ST3GAL6: variants seen among roughly 807,000 people sequenced by gnomAD.
ST3GAL6 encodes ST3 beta-galactoside alpha-2,3-sialyltransferase 6.
Under a neutral mutation model 40.5 loss-of-function variants are expected in ST3GAL6, and 31 were observed. That is an observed-to-expected ratio of 0.77 (90% CI 0.58 to 1.03). The LOEUF is 1.03. Among genes scored for constraint, ST3GAL6 ranks in the 50% least tolerant of loss-of-function variants. ST3GAL6 has a pLI of 0.00. For missense variants in ST3GAL6, 357 were observed against 393.2 expected, an observed-to-expected ratio of 0.91 and a Z score of 0.78; for synonymous variants, 129 against 136.9, an observed-to-expected ratio of 0.94 and a Z score of 0.40.
Position 98,788,176 on chromosome 3 carries a change from C to T in ST3GAL6, c.572C>T (p.Pro191Leu). The T allele has an allele frequency of 6.2e-7, 1 of 1,613,374 alleles. No individual in the cohort carries two copies. Among genetic ancestry groups the T allele is most frequent in the South Asian group, 1.1e-5 (1 of 90,878 alleles). Residue 191 changes from proline (P) to leucine (L), a missense_variant, in exon 7 of 10, where the codon CCA becomes CTA. Physicochemically the swap from Pro to Leu is moderately conservative, Grantham distance 98. Coordinates refer to ENST00000483910, the MANE Select transcript of ST3GAL6 (RefSeq NM_001323368.2). ...NTTVILTAFKPHDLRWLLELL... is the reference protein window; with the variant it reads ...NTTVILTAFKLHDLRWLLELL... ...ACAGTGATTCTCACTGCTTTTAAGC[C>T]ACATGATTTAAGGTGGCTGTTGGAA...
rs947903771 is a variant in ST3GAL6, at chr3:98,795,353, T to C, written c.*1592T>C. On this transcript the variant is annotated 3_prime_UTR_variant, in exon 10 of 10. Transcript: ENST00000483910. ...GCTCAGAAACAGAATGCGGTACTTA[T>C]AAAGCAGAATAAAGGGGAGAACAGT... The C allele has an allele frequency of 1.3e-5, 2 of 152,174 alleles. No homozygotes were observed. The highest frequency in any genetic ancestry group is 4.8e-5 in the African/African-American group (2 of 41,440). 9.4% of individuals were successfully genotyped at this position (152,174 alleles called of 1,614,324 possible).
chr3:98,789,672 G>A (rs1201581246), intron 8 of ST3GAL6, among the ~76,000 whole-genome samples: 2 of 152,164 alleles, frequency 1.3e-5, no homozygotes, highest in Non-Finnish European at 2.9e-5. Context: ...AAGCATACAT[G>A]TTTTAAATTT....
chr3:98,738,491 T>C (rs947124320), intron 1 of ST3GAL6, among the ~76,000 whole-genome samples: 13 of 152,166 alleles, frequency 8.5e-5, no homozygotes, highest in East Asian at 5.8e-4. Flanking sequence ...TTGCCCAGTC[T>C]AGTCTTGAAC....
upstream of ST3GAL6, among the ~76,000 whole-genome samples, chr3:98,760,871 G>T (rs1032713384): frequency 2.6e-5 from 4 of 152,172 alleles, no homozygotes; most frequent in Non-Finnish European, 5.9e-5. Flanking sequence ...CATACAATGG[G>T]ATGCTATTTA....
intron 4 of ST3GAL6, 83 bp downstream of exon 4, chr3:98,772,999 T>G (rs922030076): frequency 1.6e-5 from 13 of 809,140 alleles, no homozygotes; most frequent in Non-Finnish European, 2.6e-5. Flanking sequence ...TTTTAAGGGC[T>G]TTTATTCTTT....
exon 1 of ST3GAL6, chr3:98,732,504 G>C: frequency 4.8e-6 from 1 of 208,516 alleles, no homozygotes. Context: ...CGGCGAGGGC[G>C]CGCGGCTGGT....
intron 1 of ST3GAL6, among the ~76,000 whole-genome samples, chr3:98,735,963 C>T (rs1470288887): frequency 1.3e-5 from 2 of 152,112 alleles, no homozygotes; most frequent in African/African-American, 4.8e-5. Context: ...AGGAACTTGA[C>T]TGTCGTATAA....
upstream of ST3GAL6, among the ~76,000 whole-genome samples, chr3:98,758,689 G>A (rs1382048047): frequency 1.3e-5 from 2 of 152,078 alleles, no homozygotes; most frequent in Non-Finnish European, 2.9e-5. Flanking sequence ...TTAATTTTTC[G>A]AGGCTGTTAT....
chr3:98,784,651 G>T, intron 5 of ST3GAL6: 1 of 274,194 alleles, frequency 3.6e-6, no homozygotes, highest in Admixed American at 4.8e-5. Context: ...TTCTTCATTT[G>T]TATACTGGGA....
chr3:98,734,135 C>T (rs1247239569), intron 1 of ST3GAL6, among the ~76,000 whole-genome samples: 5 of 152,166 alleles, frequency 3.3e-5, no homozygotes, highest in African/African-American at 1.2e-4. Flanking sequence ...TTTGACTTTC[C>T]GGTCCTCAAT....
intron 1 of ST3GAL6, among the ~76,000 whole-genome samples, chr3:98,745,446 C>T (rs924557589): frequency 6.6e-6 from 1 of 152,206 alleles, no homozygotes; most frequent in African/African-American, 2.4e-5. Context: ...TTCCTGTGTT[C>T]TTGCTTTGGG....
chr3:98,733,362 CTT>C (rs1935224682), intron 1 of ST3GAL6: 1 of 1,076,696 alleles, frequency 9.3e-7, no homozygotes, highest in South Asian at 4.5e-5. Context: ...CTGGGACCCT[CTT>C]TTGTCGAATC....
chr3:98,787,465 CA>C (rs1438767080), intron 6 of ST3GAL6, among the ~76,000 whole-genome samples: 1 of 152,174 alleles, frequency 6.6e-6, no homozygotes, highest in Admixed American at 6.5e-5. Flanking sequence ...TACACAAACC[CA>C]ACAGTAGATC....
chr3:98,732,937 CTCTG>C, intron 1 of ST3GAL6: 1 of 1,512,580 alleles, frequency 6.6e-7, no homozygotes, highest in Non-Finnish European at 8.8e-7. Flanking sequence ...CCCGGTGCGC[CTCTG>C]CGGTCGTCGC....
Position 98,788,156 on chromosome 3 carries a change from G to A in ST3GAL6, c.552G>A (p.Val184=). 6.2e-7 allele frequency: 1 copy of A among 1,613,942 alleles called. No individual in the cohort carries two copies. Among genetic ancestry groups the A allele is most frequent in the Non-Finnish European group, 8.5e-7 (1 of 1,179,940 alleles). Residue 184 remains valine, a synonymous_variant, in exon 7 of 10, where the codon GTG becomes GTA. Coordinates refer to ENST00000483910, the MANE Select transcript of ST3GAL6 (RefSeq NM_001323368.2). ...DPIHNDPNTT[V]ILTAFKPHDL... ...TTCACAATGACCCTAATACGACAGT[G>A]ATTCTCACTGCTTTTAAGCCACATG...
At chr3:98,771,192 T>C in intron 3 of ST3GAL6, 1 of 1,443,026 alleles carries the variant, frequency 6.9e-7, no homozygotes, top group South Asian at 1.2e-5. Context: ...TTCACACAGG[T>C]GAGGCTAGAG....
At chr3:98,772,009 T>G (rs896305113) in intron 3 of ST3GAL6, among the ~76,000 whole-genome samples, 2 of 152,202 alleles carry the variant, frequency 1.3e-5, no homozygotes, top group Admixed American at 1.3e-4. Flanking sequence ...AAATTGATTT[T>G]CTGAGCCACA....
chr3:98,767,335 T>C (rs868608125), intron 1 of ST3GAL6, among the ~76,000 whole-genome samples: 2 of 152,226 alleles, frequency 1.3e-5, no homozygotes, highest in South Asian at 4.1e-4. Flanking sequence ...ATTCTACTTA[T>C]GAAGGCAAAG....
chr3:98,766,051 T>G (rs560056882), intron 1 of ST3GAL6, among the ~76,000 whole-genome samples: 123 of 152,328 alleles, frequency 8.1e-4, no homozygotes, highest in Middle Eastern at 3.4e-3. Context: ...GTGCCTTAAC[T>G]TCCTAAATGT....
Sources: gnomAD v4.1 joint callset for allele counts (sites outside exome capture counted in the v4.1 genomes callset) on GRCh38, gnomAD v4.1.1 for gene constraint, MANE v1.5 for transcripts, NCBI Gene and HGNC (gene_info 2026-07-23, HGNC 2026-07-21) for gene names.